IDO2: variants seen among roughly 807,000 people sequenced by gnomAD.
IDO2 encodes the protein indoleamine 2,3-dioxygenase-like 1 protein.
IDO2 carries 46 observed loss-of-function variants against 45.1 expected under a neutral mutation model. That is an observed-to-expected ratio of 1.02 (90% CI 0.80 to 1.30). IDO2 has a LOEUF of 1.30. Among genes scored for constraint, IDO2 ranks in the 50% most tolerant of loss-of-function variants. The pLI is 0.00. For missense variants in IDO2, 544 were observed against 491.8 expected, an observed-to-expected ratio of 1.11 and a Z score of -1.00; for synonymous variants, 218 against 184.9, an observed-to-expected ratio of 1.18 and a Z score of -1.45.
At chr8:40,000,749 T>C (rs1350900571) in intron 8 of IDO2, among the ~76,000 whole-genome samples, 2 of 152,226 alleles carry the variant, frequency 1.3e-5, no homozygotes, top group Non-Finnish European at 2.9e-5. Flanking sequence ...GGAGTTGAAT[T>C]GTTCAACAGG....
chr8:39,948,620 T>C (rs747553842), intron 1 of IDO2, among the ~76,000 whole-genome samples: 16 of 152,086 alleles, frequency 1.1e-4, no homozygotes, highest in Non-Finnish European at 2.2e-4. Context: ...GTGCTAATGG[T>C]AGAAAAAAAG....
rs28532738 is a variant in IDO2, at chr8:40,000,284, C to A, written c.668-5043C>A. ...AAAACTAGCTGGGCGTAGTGGCGTG[C>A]CTGTAGTCCTAGTTACTCAGGAAGC... On this transcript the variant is annotated intron_variant, in intron 8 of 10. Transcript: ENST00000502986. 8.4e-3 allele frequency among the ~76,000 whole-genome samples: 1,272 copies of A among 152,052 alleles called. 17 individuals carry two copies. The highest frequency in any genetic ancestry group is 0.029 in the African/African-American group (1,215 of 41,456).
At chr8:39,967,904 A>C (rs531204402) in intron 3 of IDO2, among the ~76,000 whole-genome samples, 2 of 152,312 alleles carry the variant, frequency 1.3e-5, no homozygotes, top group South Asian at 4.1e-4. Context: ...TGAAATGCAA[A>C]ATGGTACAGC....
chr8:39,939,567 AAAAAAG>A, intron 1 of IDO2, among the ~76,000 whole-genome samples: 2 of 149,358 alleles, frequency 1.3e-5, no homozygotes, highest in South Asian at 2.1e-4. Context: ...AAAAAAAAAA[AAAAAAG>A]GAAAGAAAGA....
chr8:39,968,351 G>T (rs979263614), intron 3 of IDO2, among the ~76,000 whole-genome samples: 2 of 152,164 alleles, frequency 1.3e-5, no homozygotes, highest in African/African-American at 2.4e-5. Flanking sequence ...GGTTACTAGA[G>T]ACAGGTAAGG....
intron 1 of IDO2, among the ~76,000 whole-genome samples, chr8:39,940,171 A>G (rs11773975): frequency 1.3e-5 from 2 of 151,942 alleles, no homozygotes; most frequent in African/African-American, 4.8e-5. Context: ...TACAGCCCTG[A>G]GTTTCTTACT....
At chr8:39,993,016 G>T (rs1454394457) in intron 8 of IDO2, among the ~76,000 whole-genome samples, 2 of 151,968 alleles carry the variant, frequency 1.3e-5, no homozygotes, top group East Asian at 3.9e-4. Flanking sequence ...TTCATAATCT[G>T]CCCCCATAAG....
In IDO2 at chr8:40,015,679, C is replaced by T. The variant is rs567204916; in HGVS notation, c.*77C>T. 70 of 1,013,070 alleles carry T rather than the reference C, an allele frequency of 6.9e-5. No homozygotes were observed. In the Middle Eastern group the frequency reaches 1.7e-3, roughly 24 times the overall value. The allele number at this position is 1,013,070 out of a possible 1,614,324, so 62.8% of individuals were successfully genotyped here. A position where few individuals can be genotyped will look rare whatever the true frequency, so the allele number is the denominator to read the frequency against. ...CTGGAGAATGAGGGTCAGGGTTCTG[C>T]CTGGGATCATCCAGGAAGGATCTCA... is the stretch of plus-strand genomic sequence containing the variant. On this transcript the variant is annotated 3_prime_UTR_variant, in exon 11 of 11. Coordinates refer to ENST00000502986, the Ensembl canonical transcript of IDO2.
chr8:40,013,726 T>C lies in IDO2; in HGVS notation c.868+13T>C, dbSNP rs1406204446. On this transcript the variant is annotated intron_variant, in intron 10 of 10. Coordinates refer to ENST00000502986, the Ensembl canonical transcript of IDO2. ...AGCAAGGAAAGTGGTAAGTCAGACA[T>C]TTTGTTTTCCCTTGAGAGTAGAGGG... 1 of 1,589,840 alleles carries C rather than the reference T, an allele frequency of 6.3e-7. No individual in the cohort carries two copies. The highest frequency in any genetic ancestry group is 8.6e-7 in the Non-Finnish European group (1 of 1,165,688).
At chr8:39,965,651 T>C (rs1193034503) in intron 3 of IDO2, among the ~76,000 whole-genome samples, 1 of 152,170 alleles carries the variant, frequency 6.6e-6, no homozygotes, top group Non-Finnish European at 1.5e-5. Flanking sequence ...GCTGAGGTGA[T>C]ACTGGATTAA....
chr8:39,961,749 C>G (rs949287966), intron 2 of IDO2, among the ~76,000 whole-genome samples: 4 of 152,194 alleles, frequency 2.6e-5, no homozygotes, highest in African/African-American at 9.6e-5. Context: ...GAATTTACCA[C>G]CTTTATCCCC....
At chr8:39,954,020 C>G (rs575175328) in intron 2 of IDO2, among the ~76,000 whole-genome samples, 26 of 152,096 alleles carry the variant, frequency 1.7e-4, no homozygotes, top group African/African-American at 4.1e-4. Context: ...ACTTAATAAC[C>G]CTTTCTGCAT....
intron 3 of IDO2, among the ~76,000 whole-genome samples, chr8:39,967,010 A>G (rs1278460219): frequency 6.6e-6 from 1 of 152,216 alleles, no homozygotes; most frequent in African/African-American, 2.4e-5. Flanking sequence ...AAGAACTATT[A>G]GAAATAAAAA....
chr8:39,957,122 A>G (rs1299749852), intron 2 of IDO2, among the ~76,000 whole-genome samples: 13 of 152,050 alleles, frequency 8.5e-5, no homozygotes, highest in Non-Finnish European at 4.4e-5. Flanking sequence ...CCATTTGCAA[A>G]TGATCCATTT....
intron 7 of IDO2, among the ~76,000 whole-genome samples, chr8:39,989,171 AG>A (rs1198710442): frequency 6.6e-6 from 1 of 152,116 alleles, no homozygotes; most frequent in Admixed American, 6.6e-5. Context: ...GAGAGAGCAA[AG>A]GGGGGAGCTG....
intron 2 of IDO2, among the ~76,000 whole-genome samples, chr8:39,954,180 C>T (rs2129593495): frequency 6.6e-6 from 1 of 152,304 alleles, no homozygotes; most frequent in South Asian, 2.1e-4. Flanking sequence ...CACTCCTAGA[C>T]ATTATATTCT....
At chr8:39,967,431 T>C (rs1312962700) in intron 3 of IDO2, among the ~76,000 whole-genome samples, 1 of 152,232 alleles carries the variant, frequency 6.6e-6, no homozygotes, top group African/African-American at 2.4e-5. Flanking sequence ...AAAAATAGTT[T>C]ATTTACAGAG....
chr8:39,978,178 C>T (rs759747363), intron 3 of IDO2, among the ~76,000 whole-genome samples: 2 of 152,216 alleles, frequency 1.3e-5, no homozygotes. Flanking sequence ...CCCGGGCCTG[C>T]GCTGGAGGAG....
chr8:39,981,408 C>T (rs540395830), intron 4 of IDO2, among the ~76,000 whole-genome samples: 3 of 152,174 alleles, frequency 2.0e-5, no homozygotes, highest in East Asian at 1.9e-4. Flanking sequence ...AGTCTAGGCA[C>T]GTCCCAGTGG....
Sources: gnomAD v4.1 joint callset for allele counts (sites outside exome capture counted in the v4.1 genomes callset) on GRCh38, gnomAD v4.1.1 for gene constraint, MANE v1.5 for transcripts, NCBI Gene and HGNC (gene_info 2026-07-23, HGNC 2026-07-21) for gene names.